Variants in KIF16B observed in about 807,000 individuals in gnomAD.
KIF16B encodes kinesin family member 16B, also known as kinesin-like protein KIF16B.
KIF16B carries 98 observed loss-of-function variants against 156.3 expected under a neutral mutation model. The observed-to-expected ratio is 0.63, with a 90% confidence interval of 0.53 to 0.74. The LOEUF (loss-of-function observed/expected upper bound fraction) is 0.74, where lower values mean the gene tolerates loss of function less well. Ranked by LOEUF, KIF16B falls within the 30% of genes least tolerant of loss-of-function variation. The probability of loss-of-function intolerance (pLI) is 0.00; values close to 1 mark genes in which losing one functional copy is unlikely to be tolerated. For missense variants in KIF16B, 1,421 were observed against 1,606.5 expected (o/e 0.88, Z 1.97); for synonymous variants, 564 against 583.7 (o/e 0.97, Z 0.49).
intron 22 of KIF16B, among the ~76,000 whole-genome samples, chr20:16,361,128 TCTC>T (rs1224142834): frequency 6.6e-6 from 1 of 152,178 alleles, no homozygotes; most frequent in Non-Finnish European, 1.5e-5. Context: ...AATTACAAAT[TCTC>T]CTGTCCCTGT....
intron 23 of KIF16B, among the ~76,000 whole-genome samples, chr20:16,336,678 C>T (rs970097739): frequency 2.0e-5 from 3 of 152,162 alleles, no homozygotes; most frequent in African/African-American, 7.2e-5. Context: ...CCATACTCAA[C>T]ATATTCCCTC....
At chr20:16,287,461 A>C (rs2063240375) in intron 25 of KIF16B, among the ~76,000 whole-genome samples, 1 of 152,248 alleles carries the variant, frequency 6.6e-6, no homozygotes, top group Admixed American at 6.5e-5. Flanking sequence ...CTGTGATTAC[A>C]GAATCAGAAC....
At chr20:16,430,476 C>A (rs1283856118) in intron 12 of KIF16B, among the ~76,000 whole-genome samples, 1 of 152,090 alleles carries the variant, frequency 6.6e-6, no homozygotes, top group Non-Finnish European at 1.5e-5. Flanking sequence ...TCATTCCCTG[C>A]TATACATTAA....
chr20:16,503,468 C>G lies in KIF16B; in HGVS notation c.1176+904G>C, dbSNP rs1302916259. 2.0e-5 allele frequency among the ~76,000 whole-genome samples: 3 copies of G among 152,288 alleles called. No individual in the cohort carries two copies. In the East Asian group the frequency reaches 5.8e-4, roughly 29 times the overall value. Reference sequence around the variant, plus strand: ...AAATTCAGTGAGGTTTTCATCCCATCAGTATTTTCAAAACATTTATGGGAT... The same window carrying G: ...AAATTCAGTGAGGTTTTCATCCCATGAGTATTTTCAAAACATTTATGGGAT... On this transcript the variant is annotated intron_variant, in intron 10 of 25. Transcript: ENST00000354981.
At chr20:16,475,531 C>A (rs1445354762) in intron 12 of KIF16B, among the ~76,000 whole-genome samples, 1 of 152,208 alleles carries the variant, frequency 6.6e-6, no homozygotes, top group Non-Finnish European at 1.5e-5. Flanking sequence ...ATCTGAATAT[C>A]TATGAAGATT....
chr20:16,473,307 T>C (rs2067716003), intron 12 of KIF16B, among the ~76,000 whole-genome samples: 1 of 152,172 alleles, frequency 6.6e-6, no homozygotes, highest in Non-Finnish European at 1.5e-5. Flanking sequence ...TTTTGCTTAA[T>C]GTGATGTTTC....
intron 3 of KIF16B, among the ~76,000 whole-genome samples, chr20:16,521,590 C>T (rs2069354311): frequency 6.6e-6 from 1 of 152,082 alleles, no homozygotes; most frequent in Admixed American, 6.6e-5. Flanking sequence ...AGTTGGAAAA[C>T]ACTCTTCAGG....
At chr20:16,525,871 C>A (rs1481843435) in intron 3 of KIF16B, among the ~76,000 whole-genome samples, 1 of 151,764 alleles carries the variant, frequency 6.6e-6, no homozygotes, top group African/African-American at 2.4e-5. Context: ...TCATTATGCT[C>A]AAAGGTGAAA....
intron 9 of KIF16B, 110 bp from the exon 10 acceptor site, chr20:16,504,657 T>G: frequency 1.3e-6 from 1 of 777,998 alleles, no homozygotes; most frequent in Non-Finnish European, 2.1e-6. Context: ...TTGGAGAGAC[T>G]AAATATTCAT....
intron 25 of KIF16B, among the ~76,000 whole-genome samples, chr20:16,283,516 G>C (rs2063178203): frequency 6.6e-6 from 1 of 152,170 alleles, no homozygotes; most frequent in African/African-American, 2.4e-5. Context: ...GCTGCCAGCT[G>C]AGTGCCAGGA....
chr20:16,481,780 G>A (rs1389937806), intron 12 of KIF16B, among the ~76,000 whole-genome samples: 1 of 152,194 alleles, frequency 6.6e-6, no homozygotes, highest in Non-Finnish European at 1.5e-5. Flanking sequence ...ATTTGACAAA[G>A]ACAACTTAGG....
At chr20:16,495,217 C>T (rs1302039566) in intron 11 of KIF16B, among the ~76,000 whole-genome samples, 3 of 152,102 alleles carry the variant, frequency 2.0e-5, no homozygotes, top group Non-Finnish European at 2.9e-5. Flanking sequence ...TCATTCCTGC[C>T]ACCTCCTCAC....
At chr20:16,549,463 C>T (rs201439294) in intron 1 of KIF16B, among the ~76,000 whole-genome samples, 17,185 of 151,238 alleles carry the variant, frequency 0.11, 1,053 homozygotes, top group East Asian at 0.29. Flanking sequence ...GGGTTGGTTC[C>T]AAGTCTTTGC....
intron 22 of KIF16B, among the ~76,000 whole-genome samples, chr20:16,359,066 G>A (rs760560316): frequency 8.5e-5 from 13 of 152,130 alleles, no homozygotes; most frequent in Non-Finnish European, 1.3e-4. Context: ...ATATTCTAAA[G>A]GTAGATTTGG....
At chr20:16,477,025 G>T (rs1169223943) in intron 12 of KIF16B, among the ~76,000 whole-genome samples, 1 of 152,124 alleles carries the variant, frequency 6.6e-6, no homozygotes, top group African/African-American at 2.4e-5. Flanking sequence ...GGGATTACAG[G>T]CGTGAGCCAC....
At position 16,464,250 on chromosome 20, in the gene KIF16B, T is replaced by A. The variant is rs149170470; in HGVS notation, c.1302+30041A>T. Among the ~76,000 whole-genome samples, 579 of 152,310 alleles carry A rather than the reference T, an allele frequency of 3.8e-3. 5 individuals carry two copies. The highest frequency in any genetic ancestry group is 0.013 in the African/African-American group (546 of 41,568). ...AAATATTTAATTACATTTAAATTTA[T>A]TTGCATGATTTAATTGCAAGGGAAT... On this transcript the variant is annotated intron_variant, in intron 12 of 25. Transcript: ENST00000354981.
chr20:16,283,727 A>G (rs1168844623), intron 25 of KIF16B, among the ~76,000 whole-genome samples: 1 of 152,188 alleles, frequency 6.6e-6, no homozygotes, highest in African/African-American at 2.4e-5. Flanking sequence ...TCTGTGGGTC[A>G]GAAGTCCTGC....
chr20:16,521,534 C>T (rs1357443986), intron 3 of KIF16B, among the ~76,000 whole-genome samples: 1 of 152,046 alleles, frequency 6.6e-6, no homozygotes, highest in African/African-American at 2.4e-5. Flanking sequence ...AAGACCAAAC[C>T]TATGTTTGAT....
chr20:16,550,125 T>C (rs2070583116), intron 1 of KIF16B, among the ~76,000 whole-genome samples: 1 of 117,880 alleles, frequency 8.5e-6, no homozygotes, highest in East Asian at 2.3e-4. Flanking sequence ...ATCCAGAATC[T>C]ACAATGAACT....
Sources: gnomAD v4.1 joint callset for allele counts (sites outside exome capture counted in the v4.1 genomes callset) on GRCh38, gnomAD v4.1.1 for gene constraint, MANE v1.5 for transcripts, NCBI Gene and HGNC (gene_info 2026-07-23, HGNC 2026-07-21) for gene names.